Variants in LMO7 observed in about 807,000 individuals in gnomAD.
LMO7 encodes LIM domain only protein 7.
LMO7 carries 120 observed loss-of-function variants against 206.5 expected under a neutral mutation model. The observed-to-expected ratio is 0.58, with a 90% CI of 0.50 to 0.68. LMO7 has a LOEUF of 0.68. Ranked by LOEUF, LMO7 falls within the 30% of genes least tolerant of loss-of-function variation. The probability of loss-of-function intolerance (pLI) is 0.00; values close to 1 mark genes in which losing one functional copy is unlikely to be tolerated. For missense variants in LMO7, 1,959 were observed against 1,957.9 expected, an observed-to-expected ratio of 1.00 and a Z score of -0.01; for synonymous variants, 706 against 681.5, an observed-to-expected ratio of 1.04 and a Z score of -0.56.
intron 1 of LMO7, among the ~76,000 whole-genome samples, chr13:75,660,362 T>C (rs1345977291): frequency 6.6e-6 from 1 of 152,248 alleles, no homozygotes; most frequent in East Asian, 1.9e-4. Context: ...AAAATTCCTA[T>C]CCAGGGGTAT....
At chr13:75,834,774 A>G (rs544764964) in intron 17 of LMO7, among the ~76,000 whole-genome samples, 1 of 152,322 alleles carries the variant, frequency 6.6e-6, no homozygotes, top group African/African-American at 2.4e-5. Context: ...TTGGTAGGTC[A>G]TATTTCTATT....
intron 1 of LMO7, among the ~76,000 whole-genome samples, chr13:75,682,404 G>A (rs942401423): frequency 6.6e-6 from 1 of 152,196 alleles, no homozygotes; most frequent in African/African-American, 2.4e-5. Context: ...GAGATGGGGA[G>A]AGGGTTGGTG....
intron 16 of LMO7, among the ~76,000 whole-genome samples, 183 bp from the exon 17 acceptor site, chr13:75,834,043 C>G (rs1344805636): frequency 6.6e-6 from 1 of 152,006 alleles, no homozygotes; most frequent in Non-Finnish European, 1.5e-5. Flanking sequence ...CTTCAAAAAA[C>G]ACCTCTAATG....
At position 75,858,070 on chromosome 13, in the gene LMO7, C is replaced by A; in HGVS notation, c.*127C>A. On this transcript the variant is annotated 3_prime_UTR_variant, in exon 31 of 31. Coordinates refer to ENST00000377534, the MANE Select transcript of LMO7 (RefSeq NM_001306080.2). ...TTAAAAAAAAGAATAACTTTTTTTG[C>A]CTCTTTAGATTACATAGAAGCATTG... 1 of 1,087,016 alleles carries A rather than the reference C, an allele frequency of 9.2e-7. No homozygotes were observed. The highest frequency in any genetic ancestry group is 2.6e-5 in the East Asian group (1 of 38,726). 67.3% of individuals were successfully genotyped at this position (1,087,016 alleles called of 1,614,324 possible).
chr13:75,855,609 C>T (rs2060867979), intron 29 of LMO7, among the ~76,000 whole-genome samples: 2 of 152,208 alleles, frequency 1.3e-5, no homozygotes, highest in Admixed American at 6.5e-5. Context: ...GAATTCTATA[C>T]ATTTACAGTA....
rs911628924 is a variant in LMO7 at position 75,811,278 on chromosome 13, G to A, written c.1946+2095G>A. 1.2e-4 allele frequency among the ~76,000 whole-genome samples: 18 copies of A among 147,852 alleles called. 1 individual carries two copies. The highest frequency in any genetic ancestry group is 1.0e-4 in the Non-Finnish European group (7 of 67,410). The stretch of plus-strand genomic sequence containing the variant: ...CAGGCTGGTCTTGAGCTCCTGGGCC[G>A]AAGCATTCCTCCTGCCTTGGCCTCC... On this transcript the variant is annotated intron_variant, in intron 11 of 30. Transcript: ENST00000377534.
At chr13:75,751,268 C>CTCCT (rs1437518736) in intron 3 of LMO7, among the ~76,000 whole-genome samples, 3 of 145,926 alleles carry the variant, frequency 2.1e-5, no homozygotes, top group African/African-American at 7.5e-5. Context: ...TCACACCATT[C>CTCCT]TCCTGCCTCA....
At chr13:75,725,083 A>G (rs950494185) in intron 2 of LMO7, among the ~76,000 whole-genome samples, 6 of 152,130 alleles carry the variant, frequency 3.9e-5, no homozygotes, top group African/African-American at 1.4e-4. Context: ...CTTTACCTGT[A>G]TCTCTTACTT....
chr13:75,740,776 A>T (rs2046346814), intron 3 of LMO7, among the ~76,000 whole-genome samples: 1 of 152,210 alleles, frequency 6.6e-6, no homozygotes, highest in African/African-American at 2.4e-5. Context: ...CATCAGATGG[A>T]TGTAAACAGC....
At chr13:75,827,252 T>C (rs1361853627) in intron 15 of LMO7, among the ~76,000 whole-genome samples, 1 of 152,204 alleles carries the variant, frequency 6.6e-6, no homozygotes, top group Non-Finnish European at 1.5e-5. Flanking sequence ...AAAGTCCTTA[T>C]TGGTGCTTTA....
At chr13:75,771,331 A>C (rs1406224367) in intron 4 of LMO7, among the ~76,000 whole-genome samples, 1 of 152,084 alleles carries the variant, frequency 6.6e-6, no homozygotes, top group Non-Finnish European at 1.5e-5. Flanking sequence ...ATAATGGAGT[A>C]TTTGGATTTT....
intron 4 of LMO7, among the ~76,000 whole-genome samples, chr13:75,791,472 G>T (rs2053276397): frequency 6.6e-6 from 1 of 152,046 alleles, no homozygotes; most frequent in Non-Finnish European, 1.5e-5. Context: ...ATTTCTATAG[G>T]TTAAATAAAT....
At chr13:75,761,836 T>G (rs2048262767) in intron 4 of LMO7, among the ~76,000 whole-genome samples, 1 of 152,176 alleles carries the variant, frequency 6.6e-6, no homozygotes, top group Admixed American at 6.5e-5. Context: ...TTAAACCTAA[T>G]TAACATTTTT....
chr13:75,717,068 A>G (rs2043597976), intron 2 of LMO7, among the ~76,000 whole-genome samples: 2 of 152,022 alleles, frequency 1.3e-5, no homozygotes, highest in Admixed American at 6.6e-5. Context: ...ACTCACAGTA[A>G]GAACACTCTT....
At chr13:75,684,488 G>A (rs963301433) in intron 1 of LMO7, among the ~76,000 whole-genome samples, 11 of 150,352 alleles carry the variant, frequency 7.3e-5, no homozygotes, top group South Asian at 4.2e-4. Context: ...CAGGTGATCC[G>A]CCCTCCTTGG....
chr13:75,807,649 C>T lies in LMO7; in HGVS notation c.1366C>T (p.Pro456Ser). The T allele has an allele frequency of 1.2e-6, 2 of 1,613,970 alleles. No individual in the cohort carries two copies. Among genetic ancestry groups the T allele is most frequent in the Non-Finnish European group, 1.7e-6 (2 of 1,179,878 alleles). ...TGACCTCGAGATGGCAGCCCTGGAT[C>T]CTGACTTAGAGAATGATGATTTCTT... ...RDDLEMAALD[P>S]DLENDDFFVR... Residue 456 changes from proline to serine, a missense_variant, in exon 10 of 31, where the codon CCT becomes TCT. By Grantham distance (74) the Pro-to-Ser change is moderately conservative. Coordinates refer to ENST00000377534, the MANE Select transcript of LMO7 (RefSeq NM_001306080.2).
intron 1 of LMO7, among the ~76,000 whole-genome samples, chr13:75,705,157 A>G (rs1244146043): frequency 6.6e-6 from 1 of 152,152 alleles, no homozygotes; most frequent in Non-Finnish European, 1.5e-5. Flanking sequence ...AGGGCCTCAC[A>G]CTTGGCGCAG....
At chr13:75,638,833 T>C (rs1213867943) in intron 1 of LMO7, among the ~76,000 whole-genome samples, 2 of 152,092 alleles carry the variant, frequency 1.3e-5, no homozygotes, top group African/African-American at 4.8e-5. Context: ...TCACAACCTC[T>C]TTAAGAACCC....
At chr13:75,659,301 A>G (rs1403590211) in intron 1 of LMO7, among the ~76,000 whole-genome samples, 1 of 152,232 alleles carries the variant, frequency 6.6e-6, no homozygotes, top group East Asian at 1.9e-4. Flanking sequence ...AAAGTGTGTG[A>G]GTTTTCACCC....
Sources: allele counts gnomAD v4.1 joint callset (sites outside exome capture counted in the v4.1 genomes callset), GRCh38; gene constraint gnomAD v4.1.1; transcripts MANE v1.5; gene names NCBI Gene and HGNC (gene_info 2026-07-23, HGNC 2026-07-21).